The following BCL2L13 variants were observed in gnomAD, a reference collection of about 807,000 sequenced individuals.
BCL2L13 encodes bcl-2-like protein 13.
Under a neutral mutation model 25.8 loss-of-function variants are expected in BCL2L13, and 13 were observed. The ratio of observed to expected loss-of-function variants is 0.50; its 90% CI spans 0.33 to 0.80. BCL2L13 has a LOEUF of 0.80. BCL2L13 is among the 30% of genes least tolerant of loss of function. The pLI, the probability that BCL2L13 is intolerant of heterozygous loss-of-function variation, is 0.02. For missense variants in BCL2L13, 504 were observed against 574.9 expected, an observed-to-expected ratio of 0.88 and a Z score of 1.26; for synonymous variants, 244 against 230.3, an observed-to-expected ratio of 1.06 and a Z score of -0.54.
chr22:17,651,284 C>G (rs2058676101), intron 1 of BCL2L13, among the ~76,000 whole-genome samples: 1 of 151,922 alleles, frequency 6.6e-6, no homozygotes, highest in Non-Finnish European at 1.5e-5. Flanking sequence ...AGGCGTGAGC[C>G]ATGGCGCTGG....
chr22:17,631,832 C>T (rs1208543385), intron 1 of BCL2L13, among the ~76,000 whole-genome samples: 5 of 145,014 alleles, frequency 3.4e-5, no homozygotes, highest in Admixed American at 2.9e-4. Flanking sequence ...AGTGATTCTT[C>T]TGCCTCAGCC....
chr22:17,692,605 T>C (rs62240493), intron 4 of BCL2L13, among the ~76,000 whole-genome samples: 7,100 of 152,296 alleles, frequency 0.047, 215 homozygotes, highest in African/African-American at 0.074. Context: ...GCCAGGAAGA[T>C]AGCATATGCT....
chr22:17,632,485 G>C (rs5747295), intron 1 of BCL2L13, among the ~76,000 whole-genome samples: 50,914 of 151,892 alleles, frequency 0.34, 9,784 homozygotes, highest in African/African-American at 0.51. Flanking sequence ...AAAACAGATT[G>C]CAGGAGTATG....
At chr22:17,705,647 A>G (rs997604888) in intron 6 of BCL2L13, among the ~76,000 whole-genome samples, 1 of 152,036 alleles carries the variant, frequency 6.6e-6, no homozygotes, top group African/African-American at 2.4e-5. Context: ...CCTGTGACAT[A>G]AGCTGTCAAC....
chr22:17,695,944 G>T, intron 4 of BCL2L13, 197 bp from the exon 5 acceptor site: 1 of 446,448 alleles, frequency 2.2e-6, no homozygotes, highest in East Asian at 3.3e-5. Flanking sequence ...TATTTCCCAG[G>T]CATGCATCAC....
rs183624224 is a variant in BCL2L13, at chr22:17,665,445, G to A, written c.121+9613G>A. Among the ~76,000 whole-genome samples the A allele has an allele frequency of 1.6e-3, 250 of 152,258 alleles. 1 individual carries two copies. The highest frequency in any genetic ancestry group is 5.8e-3 in the African/African-American group (239 of 41,550). On this transcript the variant is annotated intron_variant, in intron 2 of 6. Transcript: ENST00000317582. Reference sequence around the variant, plus strand: ...TTCCACACTGTTCCAACTTCTGCCTGTTTGTTACCCATTTCCAAAGTTGCT... The same window carrying A: ...TTCCACACTGTTCCAACTTCTGCCTATTTGTTACCCATTTCCAAAGTTGCT...
At chr22:17,673,858 A>G (rs2059494204) in intron 2 of BCL2L13, among the ~76,000 whole-genome samples, 1 of 152,042 alleles carries the variant, frequency 6.6e-6, no homozygotes, top group African/African-American at 2.4e-5. Context: ...TCCTCTCCCT[A>G]GCGAGGTTGC....
upstream of BCL2L13, chr22:17,638,250 C>G (rs764825250): frequency 1.3e-5 from 2 of 158,918 alleles, no homozygotes; most frequent in Non-Finnish European, 2.7e-5. Flanking sequence ...GCCCTGGCGC[C>G]TCTGCTCAGC....
rs773729787 is a variant in BCL2L13, at chr22:17,727,111, G to C, written c.1035G>C (p.Leu345Phe). Reference protein sequence around the residue: ...QEALPEAPAPLLPHITATSLL... With the variant: ...QEALPEAPAPFLPHITATSLL... ...CACTTCCTGAAGCCCCAGCTCCCTT[G>C]CTTCCACATATCACTGCCACCTCCC... The change falls in exon 7 of 7, where the codon TTG (leucine) becomes TTC (phenylalanine). Residue 345 changes from leucine (L) to phenylalanine (F), a missense_variant. Transcript: ENST00000317582. The C allele has an allele frequency of 8.7e-6, 14 of 1,614,174 alleles. No homozygotes were observed. In the Admixed American group the frequency reaches 2.3e-4, roughly 27 times the overall value.
chr22:17,684,833 G>C (rs182373521), intron 3 of BCL2L13: 299 of 329,374 alleles, frequency 9.1e-4, no homozygotes, highest in Middle Eastern at 2.2e-3. Context: ...CCTGGGTTCA[G>C]GCCATTCTCC....
chr22:17,719,846 A>AAAAC lies in BCL2L13; in HGVS notation c.601-6828_601-6827insCAAA, dbSNP rs1555897107. Among the ~76,000 whole-genome samples the AAAAC allele has an allele frequency of 3.8e-3, 494 of 129,062 alleles. 26 individuals are homozygous for AAAAC. Among genetic ancestry groups the AAAAC allele is most frequent in the Admixed American group, 6.9e-3 (78 of 11,314 alleles). The allele number at this position is 129,062 out of a possible 152,430, so 84.7% of individuals were successfully genotyped here. On this transcript the variant is annotated intron_variant, in intron 6 of 6. Transcript: ENST00000317582. The stretch of plus-strand genomic sequence containing the variant: ...CCATCTCAAAAAAAAAAAAAAAAAA[A>AAAAC]AAAAGAATGAAGTATGGATACATGC...
intron 4 of BCL2L13, among the ~76,000 whole-genome samples, chr22:17,691,499 A>T (rs1443009535): frequency 6.6e-6 from 1 of 152,160 alleles, no homozygotes; most frequent in African/African-American, 2.4e-5. Flanking sequence ...ACAAAAAATT[A>T]GCCCAGCATG....
At chr22:17,657,231 C>T (rs1378422782) in intron 2 of BCL2L13, among the ~76,000 whole-genome samples, 1 of 152,218 alleles carries the variant, frequency 6.6e-6, no homozygotes, top group African/African-American at 2.4e-5. Flanking sequence ...AAGTGTTTTG[C>T]ACATCCAAAA....
In BCL2L13 at chr22:17,684,246, G is replaced by C. The variant is rs1258890365; in HGVS notation, c.229+925G>C. 2.0e-5 allele frequency among the ~76,000 whole-genome samples: 3 copies of C among 152,078 alleles called. No homozygotes were observed. The East Asian group carries it at 5.8e-4, about 29-fold the overall frequency. On this transcript the variant is annotated intron_variant, in intron 3 of 6. Transcript: ENST00000317582. ...TGTGGGAGGCCAAGGCCTCAGGAGG[G>C]TTGCTTGAGCCCCTGAGTTCAAAAC... is the stretch of plus-strand genomic sequence containing the variant.
intron 1 of BCL2L13, among the ~76,000 whole-genome samples, chr22:17,654,340 A>G (rs1396281462): frequency 6.6e-6 from 1 of 151,910 alleles, no homozygotes; most frequent in Non-Finnish European, 1.5e-5. Flanking sequence ...CAAGCAATCA[A>G]CCTGCCTCTG....
chr22:17,680,555 A>G (rs558526044), intron 2 of BCL2L13, among the ~76,000 whole-genome samples: 1 of 138,432 alleles, frequency 7.2e-6, no homozygotes, highest in East Asian at 2.4e-4. Context: ...AAAAAGACTC[A>G]TACCTAGAAA....
chr22:17,652,655 T>G (rs1001563903), intron 1 of BCL2L13, among the ~76,000 whole-genome samples: 32 of 152,150 alleles, frequency 2.1e-4, no homozygotes, highest in Admixed American at 1.5e-3. Flanking sequence ...GCCAGGCTGA[T>G]CTTGAACTCC....
chr22:17,698,700 G>A (rs910564383), intron 5 of BCL2L13, among the ~76,000 whole-genome samples: 17 of 151,820 alleles, frequency 1.1e-4, no homozygotes, highest in African/African-American at 3.4e-4. Flanking sequence ...CTGTATTCCA[G>A]CCTGGGCAAC....
rs371314290 is a variant in BCL2L13, at chr22:17,717,380, C to CAAAAAA, written c.601-9296_601-9291dup. On this transcript the variant is annotated intron_variant, in intron 6 of 6. Coordinates refer to ENST00000317582, the MANE Select transcript of BCL2L13 (RefSeq NM_015367.4). ...GGGGCAACAGAGTGAGACTCTGTCT[C>CAAAAAA]AAAAAAGATCCAATGTTGTTGTTCC... is the stretch of plus-strand genomic sequence containing the variant. Among the ~76,000 whole-genome samples the CAAAAAA allele has an allele frequency of 7.9e-5, 10 of 126,286 alleles. 1 individual carries two copies. The highest frequency in any genetic ancestry group is 3.5e-4 in the African/African-American group (10 of 28,310). The allele number at this position is 126,286 out of a possible 152,430, so 82.8% of individuals were successfully genotyped here. A position where few individuals can be genotyped will look rare whatever the true frequency, so the allele number is the denominator to read the frequency against.
Sources: allele counts gnomAD v4.1 joint callset (sites outside exome capture counted in the v4.1 genomes callset), GRCh38; gene constraint gnomAD v4.1.1; transcripts MANE v1.5; gene names NCBI Gene and HGNC (gene_info 2026-07-23, HGNC 2026-07-21).